Variants in CALN1 observed in about 807,000 individuals in gnomAD.
CALN1 encodes the protein calcium-binding protein 8.
A neutral mutation model predicts 30.6 loss-of-function variants in CALN1; 17 were observed. The ratio of observed to expected loss-of-function variants is 0.56; its 90% CI spans 0.38 to 0.83. The LOEUF (loss-of-function observed/expected upper bound fraction) is 0.83, where lower values mean the gene tolerates loss of function less well. Among genes scored for constraint, CALN1 ranks in the 40% least tolerant of loss-of-function variants. CALN1 has a pLI of 0.00. For synonymous variants in CALN1, 156 were observed against 131.4 expected (o/e 1.19, Z -1.28); for missense variants, 291 against 354.9 (o/e 0.82, Z 1.45).
chr7:72,138,898 TG>T (rs34233520), intron 3 of CALN1, among the ~76,000 whole-genome samples: 35,665 of 151,966 alleles, frequency 0.23, 5,149 homozygotes, highest in East Asian at 0.67. Context: ...GGGCCAGGAC[TG>T]CCCACACATT....
At chr7:71,878,647 T>C (rs1792390381) in intron 5 of CALN1, among the ~76,000 whole-genome samples, 1 of 152,286 alleles carries the variant, frequency 6.6e-6, no homozygotes, top group East Asian at 1.9e-4. Context: ...AGGTGAGTGA[T>C]ATTGACCAAT....
intron 5 of CALN1, among the ~76,000 whole-genome samples, chr7:71,926,228 AT>A (rs1795265600): frequency 6.6e-6 from 1 of 151,876 alleles, no homozygotes; most frequent in Admixed American, 6.6e-5. Context: ...CCCGATGAGC[AT>A]TTCGCAAGTC....
chr7:71,848,958 C>T (rs992257859), intron 5 of CALN1, among the ~76,000 whole-genome samples: 2 of 152,050 alleles, frequency 1.3e-5, no homozygotes, highest in Admixed American at 1.3e-4. Flanking sequence ...CAAACATTTT[C>T]TCCTGGTCTG....
chr7:72,380,346 C>CA (rs1215722358), intron 2 of CALN1, among the ~76,000 whole-genome samples: 1 of 152,182 alleles, frequency 6.6e-6, no homozygotes, highest in Admixed American at 6.5e-5. Context: ...TCTTAAGAAA[C>CA]AGAGGTAGGC....
intron 5 of CALN1, among the ~76,000 whole-genome samples, chr7:71,836,619 TC>T (rs1789619319): frequency 8.5e-6 from 1 of 117,276 alleles, no homozygotes; most frequent in African/African-American, 3.7e-5. Context: ...TTTCTCTCTG[TC>T]TCTTTTTTTT....
chr7:71,950,189 G>A lies in CALN1; in HGVS notation c.501+73468C>T, dbSNP rs541170294. On this transcript the variant is annotated intron_variant, in intron 5 of 6. Transcript: ENST00000395275. ...ACCCTCCCCTGGTAACACCTGGAGA[G>A]TGAGCCCCTTATGGGAGGAGAATTG... 2.1e-4 allele frequency among the ~76,000 whole-genome samples: 32 copies of A among 152,312 alleles called. No homozygotes were observed. The South Asian group carries it at 6.6e-3, about 32-fold the overall frequency.
At chr7:72,027,900 C>A (rs1162242363) in intron 4 of CALN1, among the ~76,000 whole-genome samples, 1 of 148,410 alleles carries the variant, frequency 6.7e-6, no homozygotes, top group Non-Finnish European at 1.5e-5. Flanking sequence ...TACTAAAAAA[C>A]ACAAAAAAAT....
At chr7:72,225,476 C>A (rs575425412) in intron 3 of CALN1, among the ~76,000 whole-genome samples, 15 of 152,174 alleles carry the variant, frequency 9.9e-5, no homozygotes, top group Non-Finnish European at 1.9e-4. Flanking sequence ...GGTCAAGCTT[C>A]AAAAGGAGTG....
At chr7:72,250,742 C>A (rs561601662) in intron 3 of CALN1, among the ~76,000 whole-genome samples, 1 of 152,204 alleles carries the variant, frequency 6.6e-6, no homozygotes, top group Admixed American at 6.5e-5. Context: ...GTGATGCCCA[C>A]TCCCCTTCCT....
At position 72,403,457 on chromosome 7, in the gene CALN1, CAG is replaced by C. The variant is rs1233067534; in HGVS notation, c.-73-17_-73-16del. On this transcript the variant is annotated splice_polypyrimidine_tract_variant and intron_variant, in intron 1 of 6. Coordinates refer to ENST00000395275, the MANE Select transcript of CALN1 (RefSeq NM_031468.4). ...GCACTGAGACTCTGAAAGGAGTTGA[CAG>C]AAACTTACAGCCTGCACAGTGCTGG... The C allele has an allele frequency of 3.0e-6, 3 of 1,010,044 alleles. No homozygotes were observed. The highest frequency in any genetic ancestry group is 3.2e-5 in the African/African-American group (2 of 62,214). 62.6% of individuals were successfully genotyped at this position (1,010,044 alleles called of 1,614,324 possible).
chr7:72,414,176 G>A (rs943823290), upstream of CALN1, among the ~76,000 whole-genome samples: 18 of 152,084 alleles, frequency 1.2e-4, no homozygotes, highest in Non-Finnish European at 2.1e-4. Flanking sequence ...AGAGTTTGGC[G>A]GGAAGCTCAA....
At position 71,872,292 on chromosome 7, in the gene CALN1, G is replaced by A. The variant is rs529414827; in HGVS notation, c.502-61800C>T. Among the ~76,000 whole-genome samples, 4 of 152,312 alleles carry A rather than the reference G, an allele frequency of 2.6e-5. No individual in the cohort carries two copies. The South Asian group carries it at 6.2e-4, about 24-fold the overall frequency. ...CACATAGTAGGTGTTCAGTAAGTGA[G>A]TCAATGCCCTTTAACTCAAGTTTAT... On this transcript the variant is annotated intron_variant, in intron 5 of 6. Transcript: ENST00000395275.
At chr7:71,912,142 C>T (rs1432866160) in intron 5 of CALN1, among the ~76,000 whole-genome samples, 1 of 152,050 alleles carries the variant, frequency 6.6e-6, no homozygotes, top group Admixed American at 6.6e-5. Context: ...CCTCAGTGAA[C>T]GTTAGTCTTC....
chr7:72,444,112 T>C (rs184829974), intron 1 of CALN1, among the ~76,000 whole-genome samples: 4 of 152,062 alleles, frequency 2.6e-5, no homozygotes, highest in Non-Finnish European at 4.4e-5. Context: ...GATTGATATA[T>C]TGATAGACTC....
chr7:71,959,700 T>A (rs1320451128), intron 5 of CALN1, among the ~76,000 whole-genome samples: 1 of 151,822 alleles, frequency 6.6e-6, no homozygotes, highest in Admixed American at 6.6e-5. Context: ...GGTCACCCAG[T>A]CCCAACTCCA....
intron 5 of CALN1, among the ~76,000 whole-genome samples, chr7:71,963,352 A>G (rs981201517): frequency 1.1e-4 from 17 of 147,894 alleles, no homozygotes; most frequent in African/African-American, 2.7e-4. Flanking sequence ...TAGTAGAGAC[A>G]AGGTTTCACC....
intron 3 of CALN1, among the ~76,000 whole-genome samples, chr7:72,232,742 G>A (rs933614527): frequency 1.3e-5 from 2 of 152,212 alleles, no homozygotes; most frequent in Admixed American, 1.3e-4. Context: ...TTACAGGCAT[G>A]AGCCACCACA....
At chr7:72,371,047 CAAAAAAAAAAA>C (rs35918896) in intron 2 of CALN1, among the ~76,000 whole-genome samples, 3 of 91,582 alleles carry the variant, frequency 3.3e-5, no homozygotes, top group Non-Finnish European at 6.3e-5. Context: ...AATTAAGTCT[CAAAAAAAAAAA>C]AAAAAAAAGA....
chr7:72,302,165 C>T (rs1338096940), intron 2 of CALN1, among the ~76,000 whole-genome samples: 1 of 151,962 alleles, frequency 6.6e-6, no homozygotes, highest in Non-Finnish European at 1.5e-5. Context: ...AGAACAGAGA[C>T]CACGGAGAGG....
Sources: gnomAD v4.1 joint callset for allele counts (sites outside exome capture counted in the v4.1 genomes callset) on GRCh38, gnomAD v4.1.1 for gene constraint, MANE v1.5 for transcripts, NCBI Gene and HGNC (gene_info 2026-07-23, HGNC 2026-07-21) for gene names.